Variants in PRKAR2A observed in about 807,000 individuals in gnomAD.
PRKAR2A encodes protein kinase cAMP-dependent type II regulatory subunit alpha, also known as cAMP-dependent protein kinase type II-alpha regulatory subunit.
In PRKAR2A, 29 loss-of-function variants were observed where a neutral mutation model predicts 51.9. The ratio of observed to expected loss-of-function variants is 0.56; its 90% confidence interval spans 0.42 to 0.76. PRKAR2A has a LOEUF of 0.76. PRKAR2A is among the 30% of genes least tolerant of loss of function. PRKAR2A has a pLI of 0.00. For missense variants in PRKAR2A, 445 were observed against 512.1 expected, an observed-to-expected ratio of 0.87 and a Z score of 1.26; for synonymous variants, 178 against 186.2, an observed-to-expected ratio of 0.96 and a Z score of 0.36.
At chr3:48,745,173 C>T (rs2081550966), downstream of PRKAR2A, among the ~76,000 whole-genome samples, 5 of 149,234 alleles carry the variant, frequency 3.4e-5, no homozygotes, top group South Asian at 1.1e-3. Flanking sequence ...CCGCACCCAG[C>T]CTTTTTTTTT....
chr3:48,795,313 CAT>C (rs1019797791), intron 2 of PRKAR2A, among the ~76,000 whole-genome samples: 2 of 151,764 alleles, frequency 1.3e-5, no homozygotes, highest in African/African-American at 4.8e-5. Flanking sequence ...ACATTTAAGT[CAT>C]GTTAATTTTT....
At chr3:48,755,987 A>G (rs371354763) in intron 9 of PRKAR2A, among the ~76,000 whole-genome samples, 3 of 151,976 alleles carry the variant, frequency 2.0e-5, no homozygotes, top group South Asian at 2.1e-4. Flanking sequence ...TCACCGTGTT[A>G]GCCAGGATGG....
rs898352766 is a variant in PRKAR2A, at chr3:48,752,405, T to C, written c.940-88A>G. On this transcript the variant is annotated intron_variant, in intron 9 of 10. Coordinates refer to ENST00000265563, the MANE Select transcript of PRKAR2A (RefSeq NM_004157.4). ...GCACACACATACACTGTTCTCAGCA[T>C]ACTCTACACAATTACTGAGGAATTC... 7 of 1,352,564 alleles carry C rather than the reference T, an allele frequency of 5.2e-6. No individual in the cohort carries two copies. In the African/African-American group the frequency reaches 8.8e-5, roughly 17 times the overall value. 83.8% of individuals were successfully genotyped at this position (1,352,564 alleles called of 1,614,324 possible). A position where few individuals can be genotyped will look rare whatever the true frequency, so the allele number is the denominator to read the frequency against.
Position 48,777,767 on chromosome 3 carries a change from A to C in PRKAR2A, c.543-4659T>G, listed in dbSNP as rs571996745. Among the ~76,000 whole-genome samples, 7 of 152,230 alleles carry C rather than the reference A, an allele frequency of 4.6e-5. 1 individual carries two copies. Among genetic ancestry groups the C allele is most frequent in the African/African-American group, 1.4e-4 (6 of 41,546 alleles). On this transcript the variant is annotated intron_variant, in intron 5 of 10. Transcript: ENST00000265563. ...TTCCAACTGTCTGACAAAATCACTA[A>C]ATATCATGTATTAAAAGAAAAGCAG...
chr3:48,786,071 A>G (rs2082285410), intron 4 of PRKAR2A, among the ~76,000 whole-genome samples: 1 of 152,048 alleles, frequency 6.6e-6, no homozygotes, highest in African/African-American at 2.4e-5. Flanking sequence ...TGTGGACAGG[A>G]ATGCAAACTG....
At chr3:48,791,316 G>T (rs2082380724) in intron 3 of PRKAR2A, among the ~76,000 whole-genome samples, 1 of 147,740 alleles carries the variant, frequency 6.8e-6, no homozygotes, top group Non-Finnish European at 1.5e-5. Flanking sequence ...AAAAAAAAGG[G>T]CTGGGCGTGG....
chr3:48,760,403 A>G (rs1024421661), intron 8 of PRKAR2A, among the ~76,000 whole-genome samples: 3 of 152,078 alleles, frequency 2.0e-5, no homozygotes, highest in African/African-American at 7.2e-5. Context: ...GTAGTCAGGT[A>G]TGGTGGCACA....
intron 1 of PRKAR2A, among the ~76,000 whole-genome samples, chr3:48,841,644 C>T (rs1194040894): frequency 5.9e-5 from 9 of 151,334 alleles, no homozygotes; most frequent in Admixed American, 5.9e-4. Flanking sequence ...TTTTGAGGAA[C>T]CACCAAATTG....
In PRKAR2A at chr3:48,773,096, G is replaced by A; in HGVS notation, c.555C>T (p.Asp185=). 1.2e-6 allele frequency: 2 copies of A among 1,607,424 alleles called. No homozygotes were observed. Among genetic ancestry groups the A allele is most frequent in the South Asian group, 1.1e-5 (1 of 90,120 alleles). Residue 185 remains aspartate, a synonymous_variant, in exon 6 of 11, where the codon GAC becomes GAT. Transcript: ENST00000265563. The part of the protein sequence containing the change: ...NFYVIERGTY[D]ILVTKDNQTR... ...TTTGATTATCTTTTGTTACTAAAAT[G>A]TCATAAGTTCCCCTAGAAGAATGAC...
chr3:48,832,089 T>G (rs1326590943), intron 1 of PRKAR2A, among the ~76,000 whole-genome samples: 1 of 151,578 alleles, frequency 6.6e-6, no homozygotes, highest in Non-Finnish European at 1.5e-5. Context: ...AGGTCAGGAG[T>G]TCGAGACCAG....
downstream of PRKAR2A, chr3:48,744,839 A>G (rs1371803650): frequency 1.3e-5 from 2 of 152,060 alleles, no homozygotes; most frequent in Non-Finnish European, 2.9e-5. Context: ...CATGTCACAG[A>G]GAAGGAAATT....
At chr3:48,838,856 C>T (rs960197709) in intron 1 of PRKAR2A, among the ~76,000 whole-genome samples, 25 of 151,500 alleles carry the variant, frequency 1.7e-4, no homozygotes, top group South Asian at 2.1e-4. Context: ...TGGTGGTGGG[C>T]GCCTGTAGTC....
chr3:48,753,324 C>T (rs1459811980), intron 9 of PRKAR2A, among the ~76,000 whole-genome samples: 1 of 151,438 alleles, frequency 6.6e-6, no homozygotes, highest in African/African-American at 2.4e-5. Flanking sequence ...AACTGCTAAC[C>T]AAAGTGATAA....
At chr3:48,784,927 C>T (rs2082264010) in intron 4 of PRKAR2A, among the ~76,000 whole-genome samples, 1 of 152,098 alleles carries the variant, frequency 6.6e-6, no homozygotes, top group African/African-American at 2.4e-5. Context: ...TAGGTGAAGA[C>T]TTATTGTATG....
At chr3:48,755,970 C>T (rs575098503) in intron 9 of PRKAR2A, among the ~76,000 whole-genome samples, 156 of 152,018 alleles carry the variant, frequency 1.0e-3, no homozygotes, top group Admixed American at 5.4e-3. Context: ...TCAGTAGAGA[C>T]AGGGTTTCAC....
intron 1 of PRKAR2A, among the ~76,000 whole-genome samples, chr3:48,836,419 TAAAAAAAAAAAAAAA>T (rs548970318): frequency 1.8e-5 from 1 of 56,136 alleles, no homozygotes; most frequent in Non-Finnish European, 3.2e-5. Context: ...AGACTCCGTC[TAAAAAAAAAAAAAAA>T]AAAAAAAAAA....
rs974792210 is a variant in PRKAR2A at position 48,792,196 on chromosome 3, C to T, written c.352-1569G>A. ...TCGCTCTGTTGCCCAGGTTGGAGTG[C>T]AGTGGCGCAATTCTGGCTCACTGCA... is the stretch of plus-strand genomic sequence containing the variant. On this transcript the variant is annotated intron_variant, in intron 3 of 10. Transcript: ENST00000265563. Among the ~76,000 whole-genome samples the T allele has an allele frequency of 7.9e-5, 12 of 151,228 alleles. 1 individual carries two copies. In the South Asian group the frequency reaches 2.5e-3, roughly 32 times the overall value.
chr3:48,815,569 G>A (rs774065491), intron 1 of PRKAR2A, among the ~76,000 whole-genome samples: 1 of 151,460 alleles, frequency 6.6e-6, no homozygotes, highest in African/African-American at 2.4e-5. Context: ...GGTGGCGGGC[G>A]CCTGTCCCAG....
At position 48,830,943 on chromosome 3, in the gene PRKAR2A, G is replaced by A. The variant is rs1277633583; in HGVS notation, c.262+16392C>T. 2.0e-5 allele frequency among the ~76,000 whole-genome samples: 3 copies of A among 152,094 alleles called. No individual in the cohort carries two copies. In the East Asian group the frequency reaches 5.8e-4, roughly 29 times the overall value. On this transcript the variant is annotated intron_variant, in intron 1 of 10. Transcript: ENST00000265563. ...CGCACCACTGATCTGACAGGAGATG[G>A]AGCTCAGGCGGTAATACAAGCAAGG...
Sources: allele counts gnomAD v4.1 joint callset (sites outside exome capture counted in the v4.1 genomes callset), GRCh38; gene constraint gnomAD v4.1.1; transcripts MANE v1.5; gene names NCBI Gene and HGNC (gene_info 2026-07-23, HGNC 2026-07-21).